Variants in MARK4 observed in about 807,000 individuals in gnomAD.
MARK4 encodes the protein microtubule affinity regulating kinase 4.
MARK4 carries 19 observed loss-of-function variants against 81.5 expected under a neutral mutation model. That is an observed-to-expected ratio of 0.23 (90% confidence interval 0.16 to 0.34). The LOEUF is 0.34. Ranked by LOEUF, MARK4 falls within the 10% of genes least tolerant of loss-of-function variation. The pLI is 1.00. For missense variants in MARK4, 772 were observed against 1,058.8 expected, an observed-to-expected ratio of 0.73 and a Z score of 3.76; for synonymous variants, 436 against 439.0, an observed-to-expected ratio of 0.99 and a Z score of 0.08.
chr19:45,255,005 A>G lies in MARK4; in HGVS notation c.51+3366A>G, dbSNP rs1158102003. 2.0e-5 allele frequency among the ~76,000 whole-genome samples: 3 copies of G among 152,184 alleles called. No homozygotes were observed. In the East Asian group the frequency reaches 5.8e-4, roughly 29 times the overall value. On this transcript the variant is annotated intron_variant, in intron 1 of 16. Coordinates refer to ENST00000262891, the MANE Select transcript of MARK4 (RefSeq NM_001199867.2). ...GGCTTGAGCCTGGGAGCTGAAGACT[A>G]GCCCGGACAACATAGCAAGACTCCA...
chr19:45,265,853 G>C (rs960298160), intron 6 of MARK4, among the ~76,000 whole-genome samples: 1 of 151,958 alleles, frequency 6.6e-6, no homozygotes, highest in African/African-American at 2.4e-5. Context: ...AGATGTGCAG[G>C]TGTGAGGGTG....
chr19:45,297,384 T>C (rs1160588622), intron 14 of MARK4, among the ~76,000 whole-genome samples: 1 of 152,194 alleles, frequency 6.6e-6, no homozygotes, highest in Non-Finnish European at 1.5e-5. Flanking sequence ...TCTGTGCATC[T>C]ATTCAGTTGC....
rs561596167 is a variant in MARK4 at position 45,257,653 on chromosome 19, GATTA to G, written c.52-1335_52-1332del. On this transcript the variant is annotated intron_variant, in intron 1 of 16. Transcript: ENST00000262891. ...CTGCCTTGGCCTCCCAAAGTGCTGG[GATTA>G]CAGGCGTGAGCCACCTCGCCTGGCC... 7.3e-4 allele frequency among the ~76,000 whole-genome samples: 108 copies of G among 148,216 alleles called. 1 individual carries two copies. The highest frequency in any genetic ancestry group is 1.0e-3 in the Non-Finnish European group (69 of 67,200).
chr19:45,284,547 C>T (rs769114420), intron 12 of MARK4, among the ~76,000 whole-genome samples: 29 of 151,674 alleles, frequency 1.9e-4, no homozygotes, highest in Non-Finnish European at 4.1e-4. Flanking sequence ...TGGTCTTGAT[C>T]GCCTGACCTC....
chr19:45,266,607 T>C (rs1422249147), intron 7 of MARK4, among the ~76,000 whole-genome samples: 1 of 152,048 alleles, frequency 6.6e-6, no homozygotes, highest in African/African-American at 2.4e-5. Flanking sequence ...TTTGTCGCTC[T>C]CAGAGCCTTT....
intron 13 of MARK4, among the ~76,000 whole-genome samples, chr19:45,291,849 A>G (rs1970824789): frequency 6.6e-6 from 1 of 152,202 alleles, no homozygotes; most frequent in Admixed American, 6.5e-5. Context: ...TTCATCCTCC[A>G]TCAGAAGAGC....
In MARK4 at chr19:45,263,219, G is replaced by T. The variant is rs995207381; in HGVS notation, c.306+53G>T. The stretch of plus-strand genomic sequence containing the variant: ...GGAGCCAGGCTTCCGGCACAGCCGG[G>T]TGACCCACCTGACCCTTCCTGCGGG... On this transcript the variant is annotated intron_variant, in intron 3 of 16. Transcript: ENST00000262891. 2.9e-5 allele frequency: 46 copies of T among 1,613,290 alleles called. No homozygotes were observed. In the Admixed American group the frequency reaches 7.7e-4, roughly 27 times the overall value.
chr19:45,272,267 G>A (rs189206139), intron 8 of MARK4, among the ~76,000 whole-genome samples: 3 of 152,332 alleles, frequency 2.0e-5, no homozygotes, highest in Admixed American at 6.5e-5. Context: ...GGGAGATCAA[G>A]ACTGCAGTGA....
rs768263726 is a variant in MARK4, at chr19:45,280,621, G to A, written c.1163G>A (p.Arg388Gln). Residue 388 changes from arginine to glutamine, a missense_variant, in exon 12 of 17, where the codon CGG becomes CAG. By Grantham distance (43) the Arg-to-Gln change is conservative. Transcript: ENST00000262891. The part of the protein sequence containing the change: ...GAPGLALARV[R>Q]APSDTTNGTS... ...CCAGGGCTGGCCCTGGCACGGGTGC[G>A]GGCGCCCAGCGACACCACCAACGGA... 31 of 1,613,934 alleles carry A rather than the reference G, an allele frequency of 1.9e-5. No individual in the cohort carries two copies. Among genetic ancestry groups the A allele is most frequent in the Middle Eastern group, 1.6e-4 (1 of 6,084 alleles).
rs147479812 is a variant in MARK4, at chr19:45,277,775, T to C, written c.787-148T>C. 5,463 of 910,650 alleles carry C rather than the reference T, an allele frequency of 6.0e-3. 28 individuals carry two copies. Among genetic ancestry groups the C allele is most frequent in the Non-Finnish European group, 7.6e-3 (4,839 of 639,420 alleles). 56.4% of individuals were successfully genotyped at this position (910,650 alleles called of 1,614,324 possible). On this transcript the variant is annotated intron_variant, in intron 8 of 16. Transcript: ENST00000262891. ...GGGTTTTGCTTACCTCGTCAAGGACTGGGACTCAGAGCTTCTGTCACTTCT... is the reference window on the plus strand; with the variant it reads ...GGGTTTTGCTTACCTCGTCAAGGACCGGGACTCAGAGCTTCTGTCACTTCT...
chr19:45,289,385 CAAA>C (rs35129419), intron 13 of MARK4, among the ~76,000 whole-genome samples: 1 of 51,524 alleles, frequency 1.9e-5, no homozygotes, highest in Non-Finnish European at 3.5e-5. Flanking sequence ...GACTCTGTTT[CAAA>C]AAAAAAAAAA....
Position 45,304,119 on chromosome 19 carries a change from A to G in MARK4, c.*1409A>G, listed in dbSNP as rs1272103515. On this transcript the variant is annotated 3_prime_UTR_variant, in exon 17 of 17. Transcript: ENST00000262891. The stretch of plus-strand genomic sequence containing the variant: ...GGCTTCAGGTAGGTTTGATCCAGGC[A>G]TCAGGCCATTGCATCTATTTTTTCA... The G allele has an allele frequency of 6.6e-6, 1 of 152,264 alleles. No individual in the cohort carries two copies. Among genetic ancestry groups the G allele is most frequent in the African/African-American group, 2.4e-5 (1 of 41,474 alleles). 9.4% of individuals were successfully genotyped at this position (152,264 alleles called of 1,614,324 possible).
At chr19:45,301,871 A>G (rs1970979068) in intron 16 of MARK4, among the ~76,000 whole-genome samples, 2 of 151,124 alleles carry the variant, frequency 1.3e-5, no homozygotes, top group South Asian at 4.2e-4. Flanking sequence ...GTCTCAAAAA[A>G]AAAAAAAAAA....
chr19:45,285,497 A>G (rs1970731084), intron 12 of MARK4, among the ~76,000 whole-genome samples: 1 of 152,190 alleles, frequency 6.6e-6, no homozygotes, highest in South Asian at 2.1e-4. Context: ...GAGACCCAGC[A>G]TGAGCCCCAC....
At chr19:45,264,779 C>G (rs1343990372) in intron 5 of MARK4, 30 bp downstream of exon 5, 2 of 1,613,854 alleles carry the variant, frequency 1.2e-6, no homozygotes, top group East Asian at 4.5e-5. Flanking sequence ...CGCCCTGCCC[C>G]TGTGCCACCT....
intron 16 of MARK4, among the ~76,000 whole-genome samples, chr19:45,300,909 C>T (rs185139210): frequency 1.8e-3 from 281 of 152,158 alleles, no homozygotes; most frequent in African/African-American, 6.6e-3. Flanking sequence ...AGAGCTGAGT[C>T]GTGCTCACCC....
chr19:45,298,306 G>T, intron 15 of MARK4: 1 of 1,433,480 alleles, frequency 7.0e-7, no homozygotes, highest in South Asian at 1.1e-5. Context: ...TTGGGAGGGG[G>T]CTCTGTGGAT....
intron 8 of MARK4, among the ~76,000 whole-genome samples, chr19:45,276,956 C>T (rs527348739): frequency 4.0e-5 from 6 of 151,304 alleles, no homozygotes; most frequent in Non-Finnish European, 8.8e-5. Flanking sequence ...GATATTAACT[C>T]ACCTGTACCC....
chr19:45,262,403 T>C (rs758538865), intron 2 of MARK4, among the ~76,000 whole-genome samples: 8 of 152,134 alleles, frequency 5.3e-5, no homozygotes, highest in Non-Finnish European at 8.8e-5. Flanking sequence ...CTAGCACTTA[T>C]CTCACAGGTT....
Sources: allele counts gnomAD v4.1 joint callset (sites outside exome capture counted in the v4.1 genomes callset), GRCh38; gene constraint gnomAD v4.1.1; transcripts MANE v1.5; gene names NCBI Gene and HGNC (gene_info 2026-07-23, HGNC 2026-07-21).